The following SLC43A1 variants were observed in gnomAD, a reference collection of about 807,000 sequenced individuals.
The protein encoded by SLC43A1 is large neutral amino acids transporter small subunit 3.
Under a neutral mutation model 59.5 loss-of-function variants are expected in SLC43A1, and 31 were observed. The ratio of observed to expected loss-of-function variants is 0.52; its 90% CI spans 0.39 to 0.70. The LOEUF is 0.70. Ranked by LOEUF, SLC43A1 falls within the 30% of genes least tolerant of loss-of-function variation. The probability of loss-of-function intolerance (pLI) is 0.00; values close to 1 mark genes in which losing one functional copy is unlikely to be tolerated. For synonymous variants in SLC43A1, 259 were observed against 290.9 expected (o/e 0.89, Z 1.12); for missense variants, 598 against 717.8 (o/e 0.83, Z 1.91).
chr11:57,510,144 T>C (rs1944499973), intron 2 of SLC43A1, among the ~76,000 whole-genome samples: 1 of 151,906 alleles, frequency 6.6e-6, no homozygotes, highest in Admixed American at 6.6e-5. Flanking sequence ...TTACATCCAC[T>C]AGGATGGCTA....
intron 14 of SLC43A1, among the ~76,000 whole-genome samples, chr11:57,485,980 G>A (rs1943716631): frequency 2.0e-5 from 3 of 152,220 alleles, no homozygotes; most frequent in African/African-American, 7.2e-5. Context: ...TCAATGTAAG[G>A]AAAAGACTTA....
intron 11 of SLC43A1, 142 bp from the exon 12 acceptor site, chr11:57,489,534 C>T: frequency 2.0e-6 from 2 of 984,784 alleles, no homozygotes; most frequent in Non-Finnish European, 3.0e-6. Flanking sequence ...ATGGGAAACC[C>T]ATAGAAACCC....
At chr11:57,491,073 C>T (rs1413398581) in intron 11 of SLC43A1, 151 bp downstream of exon 11, 25 of 976,566 alleles carry the variant, frequency 2.6e-5, no homozygotes, top group Admixed American at 7.1e-5. Flanking sequence ...CCCTTCCTAG[C>T]CTCAGTTTCC....
intron 2 of SLC43A1, among the ~76,000 whole-genome samples, chr11:57,513,069 AT>A (rs1191853098): frequency 6.6e-6 from 1 of 152,212 alleles, no homozygotes; most frequent in Non-Finnish European, 1.5e-5. Flanking sequence ...CGGAATCGAT[AT>A]TATTATCCCC....
In SLC43A1 at chr11:57,494,825, G is replaced by A. The variant is rs73476781; in HGVS notation, c.693-654C>T. Among the ~76,000 whole-genome samples the A allele has an allele frequency of 5.2e-3, 794 of 152,126 alleles. 6 individuals are homozygous for A. The highest frequency in any genetic ancestry group is 0.018 in the African/African-American group (756 of 41,510). On this transcript the variant is annotated intron_variant, in intron 7 of 14. Coordinates refer to ENST00000278426, the MANE Select transcript of SLC43A1 (RefSeq NM_003627.6). ...CTCAGATCTCCTCCAAACCCAGAAA[G>A]GATGAAAACAGTATTTGTCATTACT...
rs1396716263 is a variant in SLC43A1, at chr11:57,487,234, G to A, written c.1410-16C>T. 1.2e-6 allele frequency: 2 copies of A among 1,610,264 alleles called. No homozygotes were observed. The highest frequency in any genetic ancestry group is 2.2e-5 in the East Asian group (1 of 44,766). On this transcript the variant is annotated splice_polypyrimidine_tract_variant and intron_variant, in intron 13 of 14. Transcript: ENST00000278426. ...GGATGGGAACCTGTCCACGAGACGGGGAGTATCAGGGGTGTGTGGCCCTCT... is the reference window on the plus strand; with the variant it reads ...GGATGGGAACCTGTCCACGAGACGGAGAGTATCAGGGGTGTGTGGCCCTCT...
At chr11:57,510,585 C>T (rs1402330696) in intron 2 of SLC43A1, among the ~76,000 whole-genome samples, 2 of 151,178 alleles carry the variant, frequency 1.3e-5, no homozygotes, top group African/African-American at 4.9e-5. Context: ...GTGGTGTTTA[C>T]ACCTATTGAT....
chr11:57,501,118 T>C (rs1445810914), intron 3 of SLC43A1, 34 bp downstream of exon 3: 12 of 1,577,380 alleles, frequency 7.6e-6, no homozygotes, highest in Middle Eastern at 3.3e-4. Flanking sequence ...GCACGGTCCC[T>C]GTCCTCCCGT....
intron 2 of SLC43A1, among the ~76,000 whole-genome samples, chr11:57,511,646 A>C (rs1202000131): frequency 6.6e-6 from 1 of 152,046 alleles, no homozygotes; most frequent in African/African-American, 2.4e-5. Flanking sequence ...AACAACCCAA[A>C]TCTCCATCAA....
chr11:57,512,311 G>C (rs921077657), intron 2 of SLC43A1, among the ~76,000 whole-genome samples: 15 of 152,104 alleles, frequency 9.9e-5, no homozygotes, highest in African/African-American at 3.6e-4. Context: ...CAAGGGGTAG[G>C]CCAAGAGTGG....
chr11:57,513,780 A>C (rs1246820866), intron 2 of SLC43A1, among the ~76,000 whole-genome samples, 178 bp downstream of exon 2: 1 of 152,128 alleles, frequency 6.6e-6, no homozygotes, highest in African/African-American at 2.4e-5. Flanking sequence ...GATTAGATAA[A>C]TGAAACAGTG....
rs779788161 is a variant in SLC43A1, at chr11:57,497,736, C to T, written c.558+17G>A. On this transcript the variant is annotated intron_variant, in intron 6 of 14. Coordinates refer to ENST00000278426, the MANE Select transcript of SLC43A1 (RefSeq NM_003627.6). The stretch of plus-strand genomic sequence containing the variant: ...TTCTTGTGTCAAGACAAAAAGAAAA[C>T]CCAGGTGGCCTCATACCTTGATTCC... 1.9e-6 allele frequency: 3 copies of T among 1,604,760 alleles called. No individual in the cohort carries two copies. Among genetic ancestry groups the T allele is most frequent in the Non-Finnish European group, 2.6e-6 (3 of 1,172,516 alleles).
At chr11:57,504,500 C>A (rs944465097) in intron 2 of SLC43A1, among the ~76,000 whole-genome samples, 7 of 152,350 alleles carry the variant, frequency 4.6e-5, no homozygotes, top group African/African-American at 1.4e-4. Context: ...TTTACACCTA[C>A]TTTGTGCCAA....
At chr11:57,494,907 G>T (rs1944033581) in intron 7 of SLC43A1, among the ~76,000 whole-genome samples, 1 of 151,160 alleles carries the variant, frequency 6.6e-6, no homozygotes, top group South Asian at 2.1e-4. Context: ...GGAGTGCAAT[G>T]GCACGATCTC....
intron 2 of SLC43A1, among the ~76,000 whole-genome samples, chr11:57,513,153 G>T (rs555497643): frequency 1.3e-5 from 2 of 152,350 alleles, no homozygotes; most frequent in African/African-American, 2.4e-5. Flanking sequence ...AAAAGTGATG[G>T]AAGCTGGGAT....
intron 7 of SLC43A1, 24 bp from the exon 8 acceptor site, chr11:57,494,195 T>A (rs775736492): frequency 6.3e-7 from 1 of 1,599,008 alleles, no homozygotes; most frequent in East Asian, 2.3e-5. Context: ...GGCCAGAGTG[T>A]AGAGGAACCA....
Position 57,487,218 on chromosome 11 carries a change from C to T in SLC43A1, c.1410G>A (p.Val470=). 6.2e-7 allele frequency: 1 copy of T among 1,612,664 alleles called. No homozygotes were observed. The highest frequency in any genetic ancestry group is 8.5e-7 in the Non-Finnish European group (1 of 1,178,990). Residue 470 remains valine, a splice_region_variant and synonymous_variant, in exon 14 of 15, where the codon GTG becomes GTA. Transcript: ENST00000278426. ...HSACGSLYAA[V]FPSNHFGTLT... is the part of the protein sequence containing the mutation. ...GCGTCCCAAAGTGGTTGGATGGGAA[C>T]CTGTCCACGAGACGGGGAGTATCAG...
At chr11:57,485,707 G>C (rs772297625) in intron 14 of SLC43A1, among the ~76,000 whole-genome samples, 14 of 152,170 alleles carry the variant, frequency 9.2e-5, no homozygotes, top group Admixed American at 2.6e-4. Flanking sequence ...CAGGACACGC[G>C]GGCTCTGACT....
Position 57,484,781 on chromosome 11 carries a change from A to G in SLC43A1, c.*315T>C. On this transcript the variant is annotated 3_prime_UTR_variant, in exon 15 of 15. Transcript: ENST00000278426. ...GGGTAGCCTGTTTGCCGATCCCCCC[A>G]AGAGGTACCAGGAGGCAGACCGCTA... 3.9e-6 allele frequency: 1 copy of G among 258,744 alleles called. No homozygotes were observed. The highest frequency in any genetic ancestry group is 7.5e-6 in the Non-Finnish European group (1 of 134,178). The allele number at this position is 258,744 out of a possible 1,614,324, so 16.0% of individuals were successfully genotyped here. A position where few individuals can be genotyped will look rare whatever the true frequency, so the allele number is the denominator to read the frequency against.
Sources: gnomAD v4.1 joint callset for allele counts (sites outside exome capture counted in the v4.1 genomes callset) on GRCh38, gnomAD v4.1.1 for gene constraint, MANE v1.5 for transcripts, NCBI Gene and HGNC (gene_info 2026-07-23, HGNC 2026-07-21) for gene names.